ARHGEF6: variants seen among roughly 807,000 people sequenced by gnomAD.
ARHGEF6 encodes rho guanine nucleotide exchange factor 6.
ARHGEF6 carries 9 observed loss-of-function variants against 70.3 expected under a neutral mutation model. That is an observed-to-expected ratio of 0.13 (90% CI 0.08 to 0.22). The LOEUF (loss-of-function observed/expected upper bound fraction) is 0.22, where lower values mean the gene tolerates loss of function less well. Ranked by LOEUF, ARHGEF6 falls within the 10% of genes least tolerant of loss-of-function variation. The pLI is 1.00. For synonymous variants in ARHGEF6, 201 were observed against 207.8 expected, an observed-to-expected ratio of 0.97 and a Z score of 0.28; for missense variants, 470 against 563.0, an observed-to-expected ratio of 0.83 and a Z score of 1.67.
At position 136,713,340 on chromosome X, in the gene ARHGEF6, C is replaced by T; in HGVS notation, c.763G>A (p.Glu255Lys). Residue 255 changes from glutamate to lysine, a missense_variant, in exon 7 of 22, where the codon GAA (glutamate) becomes AAA (lysine). Transcript: ENST00000250617. The part of the protein sequence containing the change: ...VLQNILDTEK[E>K]YAKELQSLLV... ...AGAGACTGAAGTTCTTTAGCATATT[C>T]TTTTTCAGTGTCCAGGATGTTCTGT... 15 of 1,206,794 alleles carry T rather than the reference C, an allele frequency of 1.2e-5. No homozygotes were observed. The highest frequency in any genetic ancestry group is 1.7e-5 in the Non-Finnish European group (15 of 891,779).
intron 10 of ARHGEF6, among the ~76,000 whole-genome samples, chrX:136,690,183 T>A (rs1294306181): frequency 8.9e-6 from 1 of 111,958 alleles, no homozygotes; most frequent in African/African-American, 3.2e-5. Context: ...TATTCCTGTC[T>A]ATAGTGAACT....
chrX:136,672,282 A>G (rs1265794649), intron 19 of ARHGEF6, among the ~76,000 whole-genome samples, 163 bp from the exon 20 acceptor site: 2 of 111,624 alleles, frequency 1.8e-5, no homozygotes, highest in Non-Finnish European at 3.8e-5. Flanking sequence ...TGCTGACTAA[A>G]TTTTCCTGAC....
At chrX:136,716,285 G>C (rs1360923964) in intron 6 of ARHGEF6, among the ~76,000 whole-genome samples, 1 of 112,135 alleles carries the variant, frequency 8.9e-6, no homozygotes, top group Non-Finnish European at 1.9e-5. Flanking sequence ...ACTGTTATGG[G>C]GGAAGGTCAA....
intron 2 of ARHGEF6, among the ~76,000 whole-genome samples, chrX:136,759,366 G>A (rs947737409): frequency 1.8e-5 from 2 of 111,611 alleles, no homozygotes; most frequent in Non-Finnish European, 1.9e-5. Flanking sequence ...TAAGGCTGGC[G>A]CGGTGGCTCA....
intron 9 of ARHGEF6, among the ~76,000 whole-genome samples, chrX:136,693,790 G>A (rs2076482231): frequency 1.8e-5 from 2 of 111,249 alleles, no homozygotes; most frequent in Non-Finnish European, 3.8e-5. Flanking sequence ...TTTCTAATTT[G>A]AATGATCATA....
At chrX:136,699,170 A>G (rs751037893) in intron 9 of ARHGEF6, among the ~76,000 whole-genome samples, 52 of 111,814 alleles carry the variant, frequency 4.7e-4, no homozygotes, top group Admixed American at 4.1e-3. Flanking sequence ...TTAAATAACA[A>G]TTATAGCATG....
At chrX:136,673,166 A>G (rs2076242592) in intron 19 of ARHGEF6, among the ~76,000 whole-genome samples, 1 of 112,644 alleles carries the variant, frequency 8.9e-6, no homozygotes, top group Non-Finnish European at 1.9e-5. Flanking sequence ...GATGATTTAA[A>G]GTATATGGGA....
intron 2 of ARHGEF6, chrX:136,767,313 C>T: frequency 5.3e-6 from 4 of 754,677 alleles, no homozygotes; most frequent in Non-Finnish European, 6.3e-6. Flanking sequence ...TGGGACCCTG[C>T]CCTGAGCGCG....
chrX:136,744,005 T>C (rs1251545582), intron 4 of ARHGEF6, among the ~76,000 whole-genome samples: 2 of 111,836 alleles, frequency 1.8e-5, no homozygotes, highest in Non-Finnish European at 3.8e-5. Context: ...AGAATCTGTA[T>C]TTTGAAGTGG....
rs770772084 is a variant in ARHGEF6, at chrX:136,732,150, G to A, written c.684C>T (p.Ala228=). The change falls in exon 6 of 22, where the codon GCC becomes GCT. Residue 228 remains alanine (A), a synonymous_variant. Coordinates refer to ENST00000250617, the MANE Select transcript of ARHGEF6 (RefSeq NM_004840.3). The part of the protein sequence containing the change: ...KSSERPLSPK[A]VKGFETAPLT... Reference sequence around the variant, plus strand: ...GTGGAGCAGTTTCAAATCCTTTGACGGCTTTTGGGGAGAGAGGTCTCTCTG... The same window carrying A: ...GTGGAGCAGTTTCAAATCCTTTGACAGCTTTTGGGGAGAGAGGTCTCTCTG... 15 of 1,204,434 alleles carry A rather than the reference G, an allele frequency of 1.2e-5. No homozygotes were observed. The highest frequency in any genetic ancestry group is 1.1e-4 in the South Asian group (6 of 56,436).
At chrX:136,701,967 A>G (rs2076580342) in intron 9 of ARHGEF6, among the ~76,000 whole-genome samples, 2 of 111,068 alleles carry the variant, frequency 1.8e-5, no homozygotes, top group Non-Finnish European at 3.8e-5. Context: ...TCGGCCTCCC[A>G]AAGTGCTGGG....
chrX:136,727,354 TTTCTTTCTTTCTTTCTTTC>T, intron 6 of ARHGEF6, among the ~76,000 whole-genome samples: 1 of 53,454 alleles, frequency 1.9e-5, no homozygotes, highest in Non-Finnish European at 3.4e-5. Context: ...TCTTTCTTTC[TTTCTTTCTTTCTTTCTTTC>T]TTTCTTTCTT....
intron 7 of ARHGEF6, among the ~76,000 whole-genome samples, chrX:136,710,127 G>A (rs1179102878): frequency 2.8e-5 from 3 of 108,161 alleles, no homozygotes; most frequent in African/African-American, 6.7e-5. Flanking sequence ...CCAACATGGC[G>A]AAATCCCATC....
intron 2 of ARHGEF6, among the ~76,000 whole-genome samples, chrX:136,759,989 T>C (rs1347041325): frequency 8.9e-6 from 1 of 112,175 alleles, no homozygotes; most frequent in Non-Finnish European, 1.9e-5. Flanking sequence ...TCTAAGCCCA[T>C]ACATCTCTTT....
intron 14 of ARHGEF6, among the ~76,000 whole-genome samples, chrX:136,681,615 A>T (rs1341405088): frequency 8.9e-6 from 1 of 112,407 alleles, no homozygotes; most frequent in Non-Finnish European, 1.9e-5. Context: ...TTGCGTTTAC[A>T]TCAGTCCATT....
At chrX:136,775,455 A>G (rs1199425692) in intron 2 of ARHGEF6, among the ~76,000 whole-genome samples, 1 of 112,357 alleles carries the variant, frequency 8.9e-6, no homozygotes, top group Non-Finnish European at 1.9e-5. Context: ...TCACATGATC[A>G]TCTCAATAGA....
At position 136,780,849 on chromosome X, in the gene ARHGEF6, T is replaced by A. The variant is rs1057522694; in HGVS notation, c.34A>T (p.Ile12Leu). The change falls in exon 1 of 22, where the codon ATA becomes TTA. Residue 12 changes from isoleucine to leucine, a missense_variant. This residue lies in a region of ARHGEF6 where 379 missense variants were observed against 449.3 expected (regional missense o/e 0.84). Transcript: ENST00000250617. ...NPEEQIVTWL[I>L]SLGVLESPKK... Reference sequence around the variant, plus strand: ...GGGGACTCTAAAACTCCCAAAGATATAAGCCATGTCACGATTTGTTCTTCT... The same window carrying A: ...GGGGACTCTAAAACTCCCAAAGATAAAAGCCATGTCACGATTTGTTCTTCT... 4.1e-6 allele frequency: 5 copies of A among 1,209,495 alleles called. No homozygotes were observed. The Admixed American group carries it at 1.1e-4, about 27-fold the overall frequency.
intron 5 of ARHGEF6, among the ~76,000 whole-genome samples, chrX:136,734,394 C>T (rs996718385): frequency 1.7e-4 from 19 of 111,844 alleles, no homozygotes; most frequent in African/African-American, 5.5e-4. Context: ...ATAAATTTGA[C>T]ACTTATGTGT....
At chrX:136,759,785 T>G (rs2077247258) in intron 2 of ARHGEF6, among the ~76,000 whole-genome samples, 1 of 112,092 alleles carries the variant, frequency 8.9e-6, no homozygotes, top group Non-Finnish European at 1.9e-5. Flanking sequence ...TAATTCCTTC[T>G]TTTCCCTGTT....
Sources: gnomAD v4.1 joint callset for allele counts (sites outside exome capture counted in the v4.1 genomes callset) on GRCh38, gnomAD v4.1.1 for gene constraint, gnomAD v4.1.1 regional missense constraint, MANE v1.5 for transcripts, NCBI Gene and HGNC (gene_info 2026-07-23, HGNC 2026-07-21) for gene names.